TBC1D24: variants seen among roughly 807,000 people sequenced by gnomAD.
The protein encoded by TBC1D24 is TBC1 domain family member 24, also known as Infantile myoclonic epilepsy.
TBC1D24 carries 47 observed loss-of-function variants against 50.7 expected under a neutral mutation model. That is an observed-to-expected ratio of 0.93 (90% CI 0.73 to 1.18). The LOEUF (loss-of-function observed/expected upper bound fraction) is 1.18. Ranked by LOEUF, TBC1D24 falls within the 50% of genes most tolerant of loss-of-function variation. The pLI is 0.00. For synonymous variants in TBC1D24, 324 were observed against 335.2 expected (o/e 0.97, Z 0.36); for missense variants, 688 against 766.5 (o/e 0.90, Z 1.21).
In TBC1D24 at chr16:2,482,576, A is replaced by G; in HGVS notation, c.-116+7406A>G. Among the ~76,000 whole-genome samples, 1 of 152,006 alleles carries G rather than the reference A, an allele frequency of 6.6e-6. No individual in the cohort carries two copies. Among genetic ancestry groups the G allele is most frequent in the Admixed American group, 6.5e-5 (1 of 15,274 alleles). On this transcript the variant is annotated intron_variant, in intron 1 of 7. Transcript: ENST00000646147. The surrounding 1 kb of genome is among the most constrained non-coding windows in gnomAD (Gnocchi z 5.2). Reference sequence around the variant, plus strand: ...AGGGGCAGGGAGGGGCTGGGTCCTGAAGGGCGGGGGACACCAGGAGAGGGT... The same window carrying G: ...AGGGGCAGGGAGGGGCTGGGTCCTGGAGGGCGGGGGACACCAGGAGAGGGT...
chr16:2,492,749 G>A (rs532475925), intron 1 of TBC1D24, among the ~76,000 whole-genome samples: 20 of 152,274 alleles, frequency 1.3e-4, no homozygotes, highest in African/African-American at 4.8e-4. Flanking sequence ...GGTCTTAAGG[G>A]TTTCTTTTCT....
intron 1 of TBC1D24, among the ~76,000 whole-genome samples, chr16:2,491,149 T>G (rs2065692047): frequency 6.6e-6 from 1 of 152,324 alleles, no homozygotes; most frequent in African/African-American, 2.4e-5. Context: ...AGAAAAAGGT[T>G]TGGCAGGATA....
In TBC1D24 at chr16:2,499,952, C is replaced by A. The variant is rs959246767; in HGVS notation, c.1302+22C>A. 31 of 1,606,790 alleles carry A rather than the reference C, an allele frequency of 1.9e-5. No homozygotes were observed. Among genetic ancestry groups the A allele is most frequent in the Non-Finnish European group, 2.6e-5 (30 of 1,173,474 alleles). ...TAGGGTGAGTGGGGCCAAGTGTCCC[C>A]AAACCCCCACGCAGACCCTGTAGCT... On this transcript the variant is annotated intron_variant, in intron 6 of 7. Coordinates refer to ENST00000646147, the MANE Select transcript of TBC1D24 (RefSeq NM_001199107.2). This position sits in a 1 kb window ranked among gnomAD's most constrained non-coding sequence, Gnocchi z 4.0.
At position 2,500,616 on chromosome 16, in the gene TBC1D24, T is replaced by C. The variant is rs981511149; in HGVS notation, c.1525+126T>C. ...CCTGGGTGTCAGGGTGGACCAGGCA[T>C]GATGGGTGGGAGGGGGCTGGAAGGG... On this transcript the variant is annotated intron_variant, in intron 7 of 7. Transcript: ENST00000646147. The surrounding 1 kb of genome is among the most constrained non-coding windows in gnomAD (Gnocchi z 8.0). The C allele has an allele frequency of 1.5e-6, 2 of 1,293,298 alleles. No individual in the cohort carries two copies. The highest frequency in any genetic ancestry group is 1.5e-5 in the African/African-American group (1 of 67,988). The allele number at this position is 1,293,298 out of a possible 1,614,324, so 80.1% of individuals were successfully genotyped here.
At position 2,504,414 on chromosome 16, in the gene TBC1D24, C is replaced by CTCTTTTTTTTTTTT. The variant is rs2065817680; in HGVS notation, c.*3457_*3458insCTTTTTTTTTTTTT. On this transcript the variant is annotated 3_prime_UTR_variant, in exon 8 of 8. Coordinates refer to ENST00000646147, the MANE Select transcript of TBC1D24 (RefSeq NM_001199107.2). The stretch of plus-strand genomic sequence containing the variant: ...AACCACAGGCCTATTGAGATTGTCC[C>CTCTTTTTTTTTTTT]TTTTTTTTTTTTTTTTTTTTTTGAG... The CTCTTTTTTTTTTTT allele has an allele frequency of 1.6e-5, 2 of 125,686 alleles. No individual in the cohort carries two copies. Among genetic ancestry groups the CTCTTTTTTTTTTTT allele is most frequent in the African/African-American group, 6.7e-5 (2 of 29,950 alleles). 7.8% of individuals were successfully genotyped at this position (125,686 alleles called of 1,614,324 possible).
intron 1 of TBC1D24, among the ~76,000 whole-genome samples, chr16:2,494,043 A>G (rs1215244463): frequency 2.0e-5 from 3 of 152,236 alleles, no homozygotes; most frequent in Admixed American, 2.0e-4. Context: ...TTAGAAAGTT[A>G]AGAGCCGGCT....
Position 2,475,542 on chromosome 16 carries a change from G to A in TBC1D24, c.-116+372G>A, listed in dbSNP as rs1295471579. Among the ~76,000 whole-genome samples the A allele has an allele frequency of 6.6e-6, 1 of 152,084 alleles. No individual in the cohort carries two copies. Among genetic ancestry groups the A allele is most frequent in the Non-Finnish European group, 1.5e-5 (1 of 67,976 alleles). ...TCCGCAGGGTCGGAAATCCTCTTGG[G>A]GGCTCGGTGAGATTGCAACAGATTC... is the stretch of plus-strand genomic sequence containing the variant. On this transcript the variant is annotated intron_variant, in intron 1 of 7. Transcript: ENST00000646147. This position sits in a 1 kb window ranked among gnomAD's most constrained non-coding sequence, Gnocchi z 4.2.
At chr16:2,488,684 G>A (rs1274589301) in intron 1 of TBC1D24, among the ~76,000 whole-genome samples, 1 of 149,442 alleles carries the variant, frequency 6.7e-6, no homozygotes, top group African/African-American at 2.5e-5. Context: ...GCTAATTTTT[G>A]GATTTAGTAG....
At position 2,501,095 on chromosome 16, in the gene TBC1D24, G is replaced by C; in HGVS notation, c.*137G>C. ...ACGGCAGGACCCCATGGCCAAGCCT[G>C]GCGTTGCCTGGACCTGCTGCTGCCT... On this transcript the variant is annotated 3_prime_UTR_variant, in exon 8 of 8. Transcript: ENST00000646147. The C allele has an allele frequency of 8.7e-7, 1 of 1,151,260 alleles. No individual in the cohort carries two copies. The highest frequency in any genetic ancestry group is 1.2e-6 in the Non-Finnish European group (1 of 818,448). 71.3% of individuals were successfully genotyped at this position (1,151,260 alleles called of 1,614,324 possible).
At chr16:2,495,818 C>T (rs1284287058) in intron 1 of TBC1D24, among the ~76,000 whole-genome samples, 15 of 151,890 alleles carry the variant, frequency 9.9e-5, no homozygotes, top group South Asian at 4.2e-4. Context: ...GGACACCTGT[C>T]GTCCCAGCTA....
rs1346722427 is a variant in TBC1D24, at chr16:2,503,211, A to G, written c.*2253A>G. On this transcript the variant is annotated 3_prime_UTR_variant, in exon 8 of 8. Transcript: ENST00000646147. ...GCTGGGTCATGATTTCCACATCATG[A>G]GCGAAGTTCTTTGTTTTTTGTGTGC... 6.6e-6 allele frequency: 1 copy of G among 152,242 alleles called. No individual in the cohort carries two copies. Among genetic ancestry groups the G allele is most frequent in the Non-Finnish European group, 1.5e-5 (1 of 68,042 alleles). The allele number at this position is 152,242 out of a possible 1,614,324, so 9.4% of individuals were successfully genotyped here. A position where few individuals can be genotyped will look rare whatever the true frequency, so the allele number is the denominator to read the frequency against.
Position 2,496,340 on chromosome 16 carries a change from C to A in TBC1D24, c.192C>A (p.Cys64Ter), listed in dbSNP as rs878854271. ...AGCGCCTGATCCGGGACATTCCCTG[C>A]CGCACGGTCACGCCTGACGCCAGCG... Reference protein sequence around the residue: ...VYQRLIRDIPCRTVTPDASVY... With the variant: ...VYQRLIRDIP Residue 64 changes from cysteine (C) to a stop codon, truncating the protein, a stop_gained, in exon 2 of 8, where the codon TGC (cysteine) becomes TGA (stop). Transcript: ENST00000646147. LOFTEE classifies it high-confidence loss of function. 1 of 1,613,596 alleles carries A rather than the reference C, an allele frequency of 6.2e-7. No homozygotes were observed. The highest frequency in any genetic ancestry group is 8.5e-7 in the Non-Finnish European group (1 of 1,180,032).
chr16:2,490,132 G>C (rs1409404918), intron 1 of TBC1D24, among the ~76,000 whole-genome samples: 1 of 152,190 alleles, frequency 6.6e-6, no homozygotes, highest in Non-Finnish European at 1.5e-5. Context: ...TAAAGTAGCT[G>C]TCACCCTCCA....
Position 2,499,447 on chromosome 16 carries a change from T to C in TBC1D24, c.1206+27T>C, listed in dbSNP as rs748389989. 1.9e-6 allele frequency: 3 copies of C among 1,589,212 alleles called. No individual in the cohort carries two copies. The East Asian group carries it at 6.7e-5, about 36-fold the overall frequency. On this transcript the variant is annotated intron_variant, in intron 5 of 7. Coordinates refer to ENST00000646147, the MANE Select transcript of TBC1D24 (RefSeq NM_001199107.2). The surrounding 1 kb of genome is among the most constrained non-coding windows in gnomAD (Gnocchi z 4.0). The stretch of plus-strand genomic sequence containing the variant: ...TGAGCAGGGGCCCTGGAGCCAGGGC[T>C]GGCTCTGATGGGCTCCAGGGCTGGC...
chr16:2,504,609 T>G lies in TBC1D24; in HGVS notation c.*3651T>G, dbSNP rs1030986281. 1 of 151,954 alleles carries G rather than the reference T, an allele frequency of 6.6e-6. No homozygotes were observed. The highest frequency in any genetic ancestry group is 6.6e-5 in the Admixed American group (1 of 15,242). The allele number at this position is 151,954 out of a possible 1,614,324, so 9.4% of individuals were successfully genotyped here. Reference sequence around the variant, plus strand: ...AATTTTTTTATATTTTTAGTAGAGATGGGGTTTCACCGTGTTAGCCAGGAT... The same window carrying G: ...AATTTTTTTATATTTTTAGTAGAGAGGGGGTTTCACCGTGTTAGCCAGGAT... On this transcript the variant is annotated 3_prime_UTR_variant, in exon 8 of 8. Coordinates refer to ENST00000646147, the MANE Select transcript of TBC1D24 (RefSeq NM_001199107.2).
chr16:2,498,182 G>C, intron 3 of TBC1D24, 56 bp from the exon 4 acceptor site: 1 of 1,546,910 alleles, frequency 6.5e-7, no homozygotes, highest in Non-Finnish European at 8.7e-7. Context: ...ACCTCGGGGG[G>C]CATGGCCTGG....
Position 2,504,940 on chromosome 16 carries a change from T to C in TBC1D24, c.*3982T>C, listed in dbSNP as rs1192593367. The C allele has an allele frequency of 6.6e-6, 1 of 152,164 alleles. No homozygotes were observed. The highest frequency in any genetic ancestry group is 1.5e-5 in the Non-Finnish European group (1 of 68,046). The allele number at this position is 152,164 out of a possible 1,614,324, so 9.4% of individuals were successfully genotyped here. On this transcript the variant is annotated 3_prime_UTR_variant, in exon 8 of 8. Coordinates refer to ENST00000646147, the MANE Select transcript of TBC1D24 (RefSeq NM_001199107.2). Reference sequence around the variant, plus strand: ...TTGTGGAGAACATAGTCTTGCTGTGTTGCCCAGGCTAGTCTTGAACTCCTG... The same window carrying C: ...TTGTGGAGAACATAGTCTTGCTGTGCTGCCCAGGCTAGTCTTGAACTCCTG...
In TBC1D24 at chr16:2,495,974, C is replaced by T. The variant is rs7405238; in HGVS notation, c.-115-60C>T. The T allele has an allele frequency of 8.2e-4, 670 of 819,010 alleles. 6 individuals carry two copies. In the African/African-American group the frequency reaches 0.011, roughly 13 times the overall value. The allele number at this position is 819,010 out of a possible 1,614,324, so 50.7% of individuals were successfully genotyped here. A position where few individuals can be genotyped will look rare whatever the true frequency, so the allele number is the denominator to read the frequency against. ...AAACTACACCACATTTGAAAAAATA[C>T]GTTCTTTAAAATGTGAACCTTGAAA... On this transcript the variant is annotated intron_variant, in intron 1 of 7. Transcript: ENST00000646147.
At chr16:2,484,829 A>G (rs1187410542) in intron 1 of TBC1D24, 1 of 152,254 alleles carries the variant, frequency 6.6e-6, no homozygotes, top group African/African-American at 2.4e-5. Flanking sequence ...GGAGGACAGG[A>G]TGAGGTGTTC....
Sources: allele counts gnomAD v4.1 joint callset (sites outside exome capture counted in the v4.1 genomes callset), GRCh38; gene constraint gnomAD v4.1.1; non-coding constraint Gnocchi (gnomAD v3.1); transcripts MANE v1.5; gene names NCBI Gene and HGNC (gene_info 2026-07-23, HGNC 2026-07-21).